Variants in RBFOX1 observed in about 807,000 individuals in gnomAD.
RBFOX1 encodes the protein RNA binding protein fox-1 homolog 1.
RBFOX1 carries 8 observed loss-of-function variants against 57.7 expected under a neutral mutation model. The ratio of observed to expected loss-of-function variants is 0.14; its 90% CI spans 0.08 to 0.25. RBFOX1 has a LOEUF of 0.25. RBFOX1 is among the 10% of genes least tolerant of loss of function. The pLI is 1.00. For missense variants in RBFOX1, 611 were observed against 548.5 expected (o/e 1.11, Z -1.14); for synonymous variants, 326 against 222.4 (o/e 1.47, Z -4.15).
intron 3 of RBFOX1, among the ~76,000 whole-genome samples, chr16:6,736,105 C>G (rs12935307): frequency 1 from 152,194 of 152,194 alleles, 76,097 homozygotes; most frequent in Non-Finnish European, 1. Context: ...TTTTAGCCAT[C>G]CAAGGAGACA....
intron 2 of RBFOX1, among the ~76,000 whole-genome samples, chr16:6,479,911 C>T (rs773215568): frequency 4.0e-5 from 6 of 151,870 alleles, no homozygotes; most frequent in Non-Finnish European, 7.4e-5. Context: ...ATTAGTTGGG[C>T]ATGGTGGCGG....
rs545782387 is a variant in RBFOX1, at chr16:6,569,174, C to G, written c.-63-85429C>G. Among the ~76,000 whole-genome samples, 23 of 152,256 alleles carry G rather than the reference C, an allele frequency of 1.5e-4. No homozygotes were observed. In the South Asian group the frequency reaches 4.8e-3, roughly 32 times the overall value. Reference sequence around the variant, plus strand: ...GGATATTTTGAAGCTTTTCTTCTTACAGAATTGTGGAAGCAATGTATAAGT... The same window carrying G: ...GGATATTTTGAAGCTTTTCTTCTTAGAGAATTGTGGAAGCAATGTATAAGT... On this transcript the variant is annotated intron_variant, in intron 2 of 15. Coordinates refer to ENST00000550418, the MANE Select transcript of RBFOX1 (RefSeq NM_018723.4).
At chr16:7,068,922 T>C (rs1479936691) in intron 4 of RBFOX1, among the ~76,000 whole-genome samples, 1 of 152,232 alleles carries the variant, frequency 6.6e-6, no homozygotes, top group African/African-American at 2.4e-5. Flanking sequence ...GTTCTGTTGA[T>C]TTCTACTCAC....
intron 1 of RBFOX1, among the ~76,000 whole-genome samples, chr16:5,330,854 T>C (rs2064735098): frequency 2.6e-5 from 4 of 152,150 alleles, no homozygotes; most frequent in Non-Finnish European, 5.9e-5. Context: ...CTGCTAAAAA[T>C]TTCTCCATTG....
chr16:5,640,486 CAT>C (rs1237563697), intron 3 of RBFOX1, among the ~76,000 whole-genome samples: 1 of 152,030 alleles, frequency 6.6e-6, no homozygotes, highest in East Asian at 1.9e-4. Flanking sequence ...CATGCACACA[CAT>C]ATATGCACAC....
chr16:5,837,082 A>G (rs1216010129), intron 3 of RBFOX1, among the ~76,000 whole-genome samples: 1 of 151,932 alleles, frequency 6.6e-6, no homozygotes, highest in Admixed American at 6.6e-5. Flanking sequence ...TTCTTAGGGG[A>G]CACTCATTCA....
intron 1 of RBFOX1, among the ~76,000 whole-genome samples, chr16:6,275,148 T>C (rs1199251121): frequency 6.6e-6 from 1 of 151,996 alleles, no homozygotes; most frequent in Non-Finnish European, 1.5e-5. Context: ...CTTCAGGGCT[T>C]GCAAAGTTAG....
chr16:6,138,710 A>C (rs1224805635), intron 1 of RBFOX1, among the ~76,000 whole-genome samples: 1 of 152,082 alleles, frequency 6.6e-6, no homozygotes, highest in Non-Finnish European at 1.5e-5. Flanking sequence ...TACTGAAAAT[A>C]CAAAAAATTA....
chr16:6,595,077 G>T (rs113678176), intron 2 of RBFOX1, among the ~76,000 whole-genome samples: 3,542 of 152,186 alleles, frequency 0.023, 131 homozygotes, highest in African/African-American at 0.079. Flanking sequence ...ATGAGCCACC[G>T]CACCTGGCCT....
intron 2 of RBFOX1, among the ~76,000 whole-genome samples, chr16:6,608,194 A>G (rs1419211866): frequency 1.3e-5 from 2 of 152,096 alleles, no homozygotes; most frequent in Non-Finnish European, 2.9e-5. Flanking sequence ...TATCCTTGGT[A>G]TCATCATTTT....
intron 3 of RBFOX1, among the ~76,000 whole-genome samples, chr16:6,810,795 G>T (rs191992509): frequency 1.7e-4 from 26 of 152,146 alleles, no homozygotes; most frequent in Middle Eastern, 3.4e-3. Context: ...ATCAGATCTC[G>T]CCAGAAGTCA....
intron 4 of RBFOX1, among the ~76,000 whole-genome samples, chr16:7,313,694 T>C (rs1464422249): frequency 1.0e-5 from 1 of 98,128 alleles, no homozygotes. Flanking sequence ...ACATGGATTA[T>C]CACATTTAAT....
At chr16:6,311,086 G>C (rs1167010648) in intron 1 of RBFOX1, among the ~76,000 whole-genome samples, 3 of 151,912 alleles carry the variant, frequency 2.0e-5, no homozygotes, top group Non-Finnish European at 4.4e-5. Context: ...CACAAGGTCA[G>C]GAGTTCAAGA....
At chr16:5,870,926 G>A (rs2057454133) in intron 4 of RBFOX1, among the ~76,000 whole-genome samples, 1 of 151,906 alleles carries the variant, frequency 6.6e-6, no homozygotes, top group Non-Finnish European at 1.5e-5. Flanking sequence ...AACCCCACCT[G>A]TGGAGGAGAT....
intron 3 of RBFOX1, among the ~76,000 whole-genome samples, chr16:6,819,731 ATAAC>A (rs371713308): frequency 0.028 from 2,310 of 82,680 alleles, 309 homozygotes; most frequent in Non-Finnish European, 0.043. Flanking sequence ...AAAAAAAAAA[ATAAC>A]AACACCAAAA....
chr16:6,780,564 A>ATT (rs1567218730), intron 3 of RBFOX1, among the ~76,000 whole-genome samples: 7 of 111,048 alleles, frequency 6.3e-5, no homozygotes, highest in East Asian at 4.4e-4. Flanking sequence ...TTACATATTT[A>ATT]TATATATTTA....
chr16:5,325,936 A>G (rs2064557376), intron 1 of RBFOX1, among the ~76,000 whole-genome samples: 1 of 152,210 alleles, frequency 6.6e-6, no homozygotes, highest in South Asian at 2.1e-4. Flanking sequence ...TCTTAAGGGT[A>G]AATACCTAGA....
intron 2 of RBFOX1, among the ~76,000 whole-genome samples, chr16:6,548,204 T>G (rs1251472718): frequency 6.6e-6 from 1 of 152,220 alleles, no homozygotes; most frequent in East Asian, 1.9e-4. Flanking sequence ...ATCCTTTATT[T>G]ATAATCTCCA....
chr16:6,281,177 T>C (rs2152698835), intron 1 of RBFOX1, among the ~76,000 whole-genome samples: 2 of 152,060 alleles, frequency 1.3e-5, no homozygotes, highest in Admixed American at 1.3e-4. Context: ...GAGATATAAA[T>C]TGATACTGTG....
Sources: gnomAD v4.1 joint callset for allele counts (sites outside exome capture counted in the v4.1 genomes callset) on GRCh38, gnomAD v4.1.1 for gene constraint, MANE v1.5 for transcripts, NCBI Gene and HGNC (gene_info 2026-07-23, HGNC 2026-07-21) for gene names.